CEP162: variants seen among roughly 807,000 people sequenced by gnomAD.
CEP162 encodes the protein centrosomal protein of 162 kDa.
CEP162 carries 141 observed loss-of-function variants against 169.2 expected under a neutral mutation model. The ratio of observed to expected loss-of-function variants is 0.83; its 90% CI spans 0.73 to 0.96. CEP162 has a LOEUF of 0.96. CEP162 is among the 40% of genes least tolerant of loss of function. The probability of loss-of-function intolerance (pLI) is 0.00; values close to 1 mark genes in which losing one functional copy is unlikely to be tolerated. For missense variants in CEP162, 1,600 were observed against 1,587.2 expected (o/e 1.01, Z -0.14); for synonymous variants, 540 against 526.4 (o/e 1.03, Z -0.35).
chr6:84,146,439 C>G (rs1038318853), intron 25 of CEP162, among the ~76,000 whole-genome samples: 6 of 152,004 alleles, frequency 3.9e-5, no homozygotes, highest in African/African-American at 1.4e-4. Context: ...CCAAACATCT[C>G]CCGTCCCATT....
intron 7 of CEP162, among the ~76,000 whole-genome samples, chr6:84,202,606 C>T (rs2127734556): frequency 7.0e-6 from 1 of 142,372 alleles, no homozygotes; most frequent in East Asian, 2.1e-4. Flanking sequence ...TGGCTCACTG[C>T]AACCTCTGCC....
intron 20 of CEP162, 50 bp downstream of exon 20, chr6:84,161,696 G>C (rs190355061): frequency 5.4e-6 from 7 of 1,285,124 alleles, no homozygotes; most frequent in South Asian, 4.1e-5. Context: ...CAGATATTAC[G>C]GACAAAAGGA....
At position 84,155,335 on chromosome 6, in the gene CEP162, C is replaced by T; in HGVS notation, c.2957G>A (p.Ser986Asn). The T allele has an allele frequency of 6.2e-7, 1 of 1,613,616 alleles. No homozygotes were observed. Among genetic ancestry groups the T allele is most frequent in the Non-Finnish European group, 8.5e-7 (1 of 1,179,670 alleles). Residue 986 changes from serine to asparagine, a missense_variant, in exon 22 of 27, where the codon AGC becomes AAC. Transcript: ENST00000403245. The stretch of plus-strand genomic sequence containing the variant: ...AAACTGTTGTTCCATGGTACGAAGG[C>T]TTTTCTTTGCATCTTCATCTTTGCC... ...LEGKDEDAKK[S>N]LRTMEQQFQK...
chr6:84,178,259 T>G (rs2099533201), intron 13 of CEP162, among the ~76,000 whole-genome samples: 1 of 152,144 alleles, frequency 6.6e-6, no homozygotes, highest in African/African-American at 2.4e-5. Context: ...AAGATAATGG[T>G]ATGGTGTTTT....
chr6:84,137,261 A>G (rs2099514540), intron 25 of CEP162, among the ~76,000 whole-genome samples: 1 of 152,182 alleles, frequency 6.6e-6, no homozygotes, highest in Non-Finnish European at 1.5e-5. Flanking sequence ...CAGCATGCCA[A>G]GTGTGGCCTT....
intron 13 of CEP162, among the ~76,000 whole-genome samples, chr6:84,177,433 T>A (rs188809308): frequency 6.6e-6 from 1 of 152,222 alleles, no homozygotes; most frequent in Admixed American, 6.5e-5. Context: ...TCACGTGGCC[T>A]GTATGTGGCA....
chr6:84,134,427 C>T (rs1416489935), intron 25 of CEP162, among the ~76,000 whole-genome samples: 1 of 152,214 alleles, frequency 6.6e-6, no homozygotes, highest in Non-Finnish European at 1.5e-5. Flanking sequence ...TCAGTGTCTG[C>T]CCAAACGGCC....
intron 18 of CEP162, among the ~76,000 whole-genome samples, chr6:84,167,047 G>A (rs1228619824): frequency 1.3e-5 from 2 of 152,056 alleles, no homozygotes; most frequent in African/African-American, 4.8e-5. Context: ...TCAACATGAT[G>A]GGACTAAATG....
At chr6:84,197,742 A>G (rs767883745) in intron 9 of CEP162, among the ~76,000 whole-genome samples, 7 of 151,262 alleles carry the variant, frequency 4.6e-5, no homozygotes, top group Middle Eastern at 3.2e-3. Context: ...ACTTGAACCC[A>G]GGAGGTGGAG....
intron 12 of CEP162, 31 bp downstream of exon 12, chr6:84,186,301 C>G (rs772089523): frequency 1.6e-6 from 2 of 1,250,610 alleles, no homozygotes; most frequent in Admixed American, 3.8e-5. Context: ...GGTTCTCAAT[C>G]TCTCAAATCA....
chr6:84,172,782 A>T (rs1250621539), intron 16 of CEP162, among the ~76,000 whole-genome samples: 4 of 152,196 alleles, frequency 2.6e-5, no homozygotes, highest in Non-Finnish European at 5.9e-5. Context: ...GTGATAATGC[A>T]TGTTACTAAG....
intron 11 of CEP162, among the ~76,000 whole-genome samples, chr6:84,189,128 T>C (rs2099538543): frequency 6.6e-6 from 1 of 152,096 alleles, no homozygotes; most frequent in South Asian, 2.1e-4. Context: ...CTCGGCTCAC[T>C]GAAACCTCTG....
At chr6:84,196,488 G>T (rs1258641427) in intron 9 of CEP162, among the ~76,000 whole-genome samples, 1 of 152,016 alleles carries the variant, frequency 6.6e-6, no homozygotes, top group African/African-American at 2.4e-5. Flanking sequence ...CTAGAAAAAA[G>T]AATTCAAATA....
chr6:84,206,617 C>G lies in CEP162; in HGVS notation c.572-2521G>C, dbSNP rs565918832. On this transcript the variant is annotated intron_variant, in intron 6 of 26. Transcript: ENST00000403245. ...TGTTAAACCTAAAACCATAAAAACC[C>G]TAAAAGAAAACCTAGGCAATACCAT... Among the ~76,000 whole-genome samples the G allele has an allele frequency of 4.0e-3, 612 of 152,254 alleles. 4 individuals carry two copies. The highest frequency in any genetic ancestry group is 0.014 in the African/African-American group (588 of 41,548).
At chr6:84,197,403 T>C (rs1280400276) in intron 9 of CEP162, among the ~76,000 whole-genome samples, 6 of 152,184 alleles carry the variant, frequency 3.9e-5, no homozygotes, top group Admixed American at 3.9e-4. Flanking sequence ...TGTAACTTTT[T>C]TCCATGCATA....
rs777732381 is a variant in CEP162, at chr6:84,226,334, T to C, written c.57+3A>G. 3.2e-6 allele frequency: 5 copies of C among 1,542,336 alleles called. No individual in the cohort carries two copies. Among genetic ancestry groups the C allele is most frequent in the Non-Finnish European group, 4.4e-6 (5 of 1,135,442 alleles). On this transcript the variant is annotated splice_donor_region_variant and intron_variant, in intron 2 of 26. Coordinates refer to ENST00000403245, the MANE Select transcript of CEP162 (RefSeq NM_014895.4). ...AATATAGCTTTTAAAAATATAAACT[T>C]ACCTCTTTCATAAACTGTTCAAACT...
chr6:84,163,070 A>C, intron 19 of CEP162, 74 bp downstream of exon 19: 1 of 1,416,198 alleles, frequency 7.1e-7, no homozygotes, highest in South Asian at 1.3e-5. Context: ...TATACCATTC[A>C]ATTTCTATTA....
rs2099520297 is a variant in CEP162, at chr6:84,149,426, C to A, written c.3771+136G>T. ...TATCTTCTTTAAAAAAGAAATCAAG[C>A]CAATAATAGTTTCCCATTTCTATCA... On this transcript the variant is annotated intron_variant, in intron 24 of 26. Transcript: ENST00000403245. 4 of 499,414 alleles carry A rather than the reference C, an allele frequency of 8.0e-6. No homozygotes were observed. In the East Asian group the frequency reaches 1.4e-4, roughly 18 times the overall value. 30.9% of individuals were successfully genotyped at this position (499,414 alleles called of 1,614,324 possible).
intron 11 of CEP162, among the ~76,000 whole-genome samples, chr6:84,190,429 G>T (rs1025402228): frequency 6.6e-6 from 1 of 152,096 alleles, no homozygotes; most frequent in Non-Finnish European, 1.5e-5. Context: ...TCCACACTGT[G>T]GAAGCTTTGT....
Sources: gnomAD v4.1 joint callset for allele counts (sites outside exome capture counted in the v4.1 genomes callset) on GRCh38, gnomAD v4.1.1 for gene constraint, MANE v1.5 for transcripts, NCBI Gene and HGNC (gene_info 2026-07-23, HGNC 2026-07-21) for gene names.